The following RPTOR variants were observed in gnomAD, a reference collection of about 807,000 sequenced individuals.
RPTOR encodes the protein regulatory associated protein of MTOR complex 1.
RPTOR carries 21 observed loss-of-function variants against 169.9 expected under a neutral mutation model. The observed-to-expected ratio is 0.12, with a 90% CI of 0.09 to 0.18. The LOEUF is 0.18. RPTOR is among the 10% of genes least tolerant of loss of function. The pLI, the probability that RPTOR is intolerant of heterozygous loss-of-function variation, is 1.00. For synonymous variants in RPTOR, 732 were observed against 753.2 expected (o/e 0.97, Z 0.46); for missense variants, 1,133 against 1,855.9 (o/e 0.61, Z 7.16).
In RPTOR at chr17:80,760,311, T is replaced by TG. The variant is rs1430516683; in HGVS notation, c.830+6126_830+6127insG. Among the ~76,000 whole-genome samples, 2 of 143,772 alleles carry TG rather than the reference T, an allele frequency of 1.4e-5. 1 individual carries two copies. The highest frequency in any genetic ancestry group is 5.1e-5 in the African/African-American group (2 of 39,216). The allele number at this position is 143,772 out of a possible 152,430, so 94.3% of individuals were successfully genotyped here. On this transcript the variant is annotated intron_variant, in intron 6 of 33. Transcript: ENST00000306801. ...GAGCTTTCTTTTTTCTTTTTTCTTT[T>TG]TTTTTTTTTTGAGACCGAGTCTCAC...
In RPTOR at chr17:80,730,453, C is replaced by G; in HGVS notation, c.508-107C>G. 7.6e-7 allele frequency: 1 copy of G among 1,311,138 alleles called. No individual in the cohort carries two copies. The highest frequency in any genetic ancestry group is 2.3e-5 in the East Asian group (1 of 42,652). The allele number at this position is 1,311,138 out of a possible 1,614,324, so 81.2% of individuals were successfully genotyped here. A position where few individuals can be genotyped will look rare whatever the true frequency, so the allele number is the denominator to read the frequency against. ...GTATAAAGGCTAACTCAGCGTCTCTCCAGCCACCAGGCTCAATGTGTGTGC... is the reference window on the plus strand; with the variant it reads ...GTATAAAGGCTAACTCAGCGTCTCTGCAGCCACCAGGCTCAATGTGTGTGC... On this transcript the variant is annotated intron_variant, in intron 4 of 33. Transcript: ENST00000306801. This position sits in a 1 kb window ranked among gnomAD's most constrained non-coding sequence, Gnocchi z 4.2.
chr17:80,941,832 C>T (rs777097975), intron 25 of RPTOR: 1 of 152,308 alleles, frequency 6.6e-6, no homozygotes, highest in Non-Finnish European at 1.5e-5. Context: ...AGGCCCGGCT[C>T]ACACCTCTGC....
chr17:80,947,722 C>T lies in RPTOR; in HGVS notation c.3265+371C>T, dbSNP rs1158099676. ...CCCCAAGCCACAACACGTGCCAGGT[C>T]CTCCCCGGCCAGGGTCTCCTGGCAT... On this transcript the variant is annotated intron_variant, in intron 27 of 33. Transcript: ENST00000306801. This position sits in a 1 kb window ranked among gnomAD's most constrained non-coding sequence, Gnocchi z 4.4. 3.3e-5 allele frequency among the ~76,000 whole-genome samples: 5 copies of T among 152,246 alleles called. No homozygotes were observed. The highest frequency in any genetic ancestry group is 1.3e-4 in the Admixed American group (2 of 15,292).
intron 1 of RPTOR, among the ~76,000 whole-genome samples, chr17:80,598,112 A>C (rs190927525): frequency 9.2e-4 from 140 of 152,070 alleles, no homozygotes; most frequent in Middle Eastern, 6.8e-3. Flanking sequence ...ACTGCACTCT[A>C]GCCTGGGCAT....
Position 80,676,453 on chromosome 17 carries a change from G to GC in RPTOR, c.349-31383dup, listed in dbSNP as rs553286955. Among the ~76,000 whole-genome samples, 1,259 of 152,250 alleles carry GC rather than the reference G, an allele frequency of 8.3e-3. 18 individuals are homozygous for GC. Among genetic ancestry groups the GC allele is most frequent in the African/African-American group, 0.028 (1,174 of 41,536 alleles). ...GGGGTAGCCAGCACCAGGCATCAGGGCCCCCGGGACCTCTGGACATCAGCG... is the reference window on the plus strand; with the variant it reads ...GGGGTAGCCAGCACCAGGCATCAGGGCCCCCCGGGACCTCTGGACATCAGCG... On this transcript the variant is annotated intron_variant, in intron 3 of 33. Transcript: ENST00000306801.
intron 1 of RPTOR, among the ~76,000 whole-genome samples, chr17:80,564,314 G>T (rs965040282): frequency 1.3e-5 from 2 of 151,888 alleles, no homozygotes; most frequent in Non-Finnish European, 2.9e-5. Context: ...TGCCCGCCTC[G>T]GCCTCCCAAA....
chr17:80,720,419 G>A (rs771027419), intron 4 of RPTOR, among the ~76,000 whole-genome samples: 5 of 152,070 alleles, frequency 3.3e-5, no homozygotes, highest in African/African-American at 4.8e-5. Flanking sequence ...TACTTTATTC[G>A]TCTTGAGAAT....
At chr17:80,686,694 G>A (rs1174733711) in intron 3 of RPTOR, among the ~76,000 whole-genome samples, 8 of 152,046 alleles carry the variant, frequency 5.3e-5, no homozygotes, top group Non-Finnish European at 1.0e-4. Context: ...TAACGAGGCC[G>A]GTGTCTCAAG....
In RPTOR at chr17:80,960,046, G is replaced by A. The variant is rs1459199834; in HGVS notation, c.3478-32G>A. The A allele has an allele frequency of 6.2e-7, 1 of 1,606,686 alleles. No individual in the cohort carries two copies. Among genetic ancestry groups the A allele is most frequent in the South Asian group, 1.1e-5 (1 of 87,810 alleles). On this transcript the variant is annotated intron_variant, in intron 29 of 33. Coordinates refer to ENST00000306801, the MANE Select transcript of RPTOR (RefSeq NM_020761.3). The surrounding 1 kb of genome is among the most constrained non-coding windows in gnomAD (Gnocchi z 4.8). ...GCAGGGAGGGTGGCTCGGTGCCCCG[G>A]TCTTCACCGGGCTGCCTGTGTTTGG...
chr17:80,874,586 G>A (rs769849071), intron 13 of RPTOR, among the ~76,000 whole-genome samples: 4 of 152,176 alleles, frequency 2.6e-5, no homozygotes, highest in Non-Finnish European at 5.9e-5. Flanking sequence ...AAGGTCTGAG[G>A]CGGAAAGCTT....
intron 7 of RPTOR, among the ~76,000 whole-genome samples, chr17:80,819,024 G>T (rs549586076): frequency 6.6e-6 from 1 of 152,196 alleles, no homozygotes; most frequent in Non-Finnish European, 1.5e-5. Context: ...GTGGGCTCAC[G>T]TTAGGGATGT....
chr17:80,878,495 C>T lies in RPTOR; in HGVS notation c.1510-1920C>T, dbSNP rs749102920. ...CCGAGTAGCTGGGACTACAGGCACGCACCACCACACCCTGCTAATTTTTGT... is the reference window on the plus strand; with the variant it reads ...CCGAGTAGCTGGGACTACAGGCACGTACCACCACACCCTGCTAATTTTTGT... On this transcript the variant is annotated intron_variant, in intron 13 of 33. Transcript: ENST00000306801. This position sits in a 1 kb window ranked among gnomAD's most constrained non-coding sequence, Gnocchi z 4.1. 6.6e-6 allele frequency among the ~76,000 whole-genome samples: 1 copy of T among 152,064 alleles called. No homozygotes were observed. The highest frequency in any genetic ancestry group is 2.4e-5 in the African/African-American group (1 of 41,398).
chr17:80,594,408 G>A (rs963848578), intron 1 of RPTOR, among the ~76,000 whole-genome samples: 2 of 152,086 alleles, frequency 1.3e-5, no homozygotes, highest in East Asian at 2.0e-4. Context: ...TTCTTTAAAC[G>A]TAGGAAATGA....
intron 13 of RPTOR, among the ~76,000 whole-genome samples, chr17:80,868,352 G>C (rs373174891): frequency 6.6e-6 from 1 of 152,210 alleles, no homozygotes; most frequent in African/African-American, 2.4e-5. Flanking sequence ...TTAGTCACCA[G>C]AGAAATGCAA....
chr17:80,615,770 C>T (rs1196850283), intron 1 of RPTOR, among the ~76,000 whole-genome samples: 1 of 152,126 alleles, frequency 6.6e-6, no homozygotes, highest in Non-Finnish European at 1.5e-5. Context: ...TCTTTTTCTT[C>T]CCAAGTAAAT....
intron 1 of RPTOR, among the ~76,000 whole-genome samples, chr17:80,605,663 G>A (rs1031118439): frequency 6.6e-6 from 1 of 152,146 alleles, no homozygotes; most frequent in Non-Finnish European, 1.5e-5. Flanking sequence ...CAGTTCCTAG[G>A]TGTAAAATAG....
rs2067183573 is a variant in RPTOR, at chr17:80,803,433, T to C, written c.890+11924T>C. 6.5e-6 allele frequency: 1 copy of C among 152,828 alleles called. No individual in the cohort carries two copies. Among genetic ancestry groups the C allele is most frequent in the African/African-American group, 2.4e-5 (1 of 41,478 alleles). 9.5% of individuals were successfully genotyped at this position (152,828 alleles called of 1,614,324 possible). ...CGCTGCTGGCTTCTCAGTTTGCTGC[T>C]CCGTGCTGCACAGTCCCCTCTGTCA... On this transcript the variant is annotated intron_variant, in intron 7 of 33. Transcript: ENST00000306801. This position sits in a 1 kb window ranked among gnomAD's most constrained non-coding sequence, Gnocchi z 6.2.
chr17:80,846,394 C>T (rs557646816), intron 10 of RPTOR, 79 bp from the exon 11 acceptor site: 61 of 1,408,862 alleles, frequency 4.3e-5, no homozygotes, highest in East Asian at 1.6e-4. Context: ...CTTGGATGCC[C>T]GGCAGGTGGC....
At chr17:80,857,165 G>A (rs969483138) in intron 12 of RPTOR, among the ~76,000 whole-genome samples, 8 of 152,324 alleles carry the variant, frequency 5.3e-5, no homozygotes, top group African/African-American at 1.7e-4. Flanking sequence ...TGCCCTCCAC[G>A]CCCTCCCTCC....
Sources: allele counts gnomAD v4.1 joint callset (sites outside exome capture counted in the v4.1 genomes callset), GRCh38; gene constraint gnomAD v4.1.1; non-coding constraint Gnocchi (gnomAD v3.1); transcripts MANE v1.5; gene names NCBI Gene and HGNC (gene_info 2026-07-23, HGNC 2026-07-21).